ALLC: variants seen among roughly 807,000 people sequenced by gnomAD.
ALLC encodes the protein allantoicase, also known as probable inactive allantoicase.
In ALLC, 40 loss-of-function variants were observed where a neutral mutation model predicts 45.0. The ratio of observed to expected loss-of-function variants is 0.89; its 90% CI spans 0.69 to 1.16. ALLC has a LOEUF of 1.16. ALLC is among the 50% of genes most tolerant of loss of function. The pLI is 0.00. For missense variants in ALLC, 488 were observed against 493.1 expected (o/e 0.99, Z 0.10); for synonymous variants, 176 against 178.1 (o/e 0.99, Z 0.09).
intron 7 of ALLC, among the ~76,000 whole-genome samples, chr2:3,693,867 A>C (rs1243724423): frequency 6.6e-6 from 1 of 152,190 alleles, no homozygotes; most frequent in Non-Finnish European, 1.5e-5. Flanking sequence ...GGGTGCCTGT[A>C]ATCCCGGCTA....
chr2:3,661,912 T>TC (rs1456831651), intron 1 of ALLC, among the ~76,000 whole-genome samples: 3 of 152,114 alleles, frequency 2.0e-5, no homozygotes, highest in African/African-American at 7.2e-5. Context: ...TGGGCTGGGT[T>TC]CCCCCTCAGA....
chr2:3,693,912 C>T (rs550266982), intron 7 of ALLC, among the ~76,000 whole-genome samples: 53 of 152,066 alleles, frequency 3.5e-4, no homozygotes, highest in Non-Finnish European at 6.0e-4. Context: ...CGCCTGAACC[C>T]GGGAGGCGGA....
chr2:3,697,711 C>A (rs12614666), intron 10 of ALLC, among the ~76,000 whole-genome samples: 2 of 151,374 alleles, frequency 1.3e-5, no homozygotes, highest in Admixed American at 6.6e-5. Flanking sequence ...TGTCGCCCAG[C>A]CTGGAGTGCA....
chr2:3,659,191 C>A (rs191489566), intron 1 of ALLC, among the ~76,000 whole-genome samples: 21 of 152,274 alleles, frequency 1.4e-4, no homozygotes, highest in Admixed American at 1.2e-3. Flanking sequence ...GTAACTCTTC[C>A]ATCAGCACAG....
At chr2:3,646,753 A>G in the ALLC span, among the ~76,000 whole-genome samples, 1 of 151,958 alleles carries the variant, frequency 6.6e-6, no homozygotes, top group African/African-American at 2.4e-5. Flanking sequence ...CCATTAACTC[A>G]CCCCTCTATC....
chr2:3,655,149 A>C (rs1318529101), upstream of ALLC, among the ~76,000 whole-genome samples: 1 of 152,220 alleles, frequency 6.6e-6, no homozygotes, highest in Non-Finnish European at 1.5e-5. Context: ...TTGCACCATG[A>C]CAGCTGCTCC....
chr2:3,651,301 TGGGTGGGTGG>T, the ALLC span, among the ~76,000 whole-genome samples: 41 of 7,754 alleles, frequency 5.3e-3, no homozygotes, highest in Non-Finnish European at 9.6e-3. Flanking sequence ...TCTTTTTGGG[TGGGTGGGTGG>T]GTGGGGGGGG....
chr2:3,647,240 T>C, the ALLC span, among the ~76,000 whole-genome samples: 2 of 151,852 alleles, frequency 1.3e-5, no homozygotes, highest in Non-Finnish European at 2.9e-5. Flanking sequence ...AAATCCTCCT[T>C]TACTTCAGTC....
At chr2:3,651,302 G>GGT in the ALLC span, among the ~76,000 whole-genome samples, 20 of 5,018 alleles carry the variant, frequency 4.0e-3, 1 homozygote, top group African/African-American at 6.1e-3. Context: ...CTTTTTGGGT[G>GGT]GGTGGGTGGG....
At chr2:3,666,890 G>A (rs535420429) in intron 1 of ALLC, among the ~76,000 whole-genome samples, 1 of 152,330 alleles carries the variant, frequency 6.6e-6, no homozygotes, top group Non-Finnish European at 1.5e-5. Flanking sequence ...CACCTGTGCT[G>A]CTCAGCAGGG....
intron 10 of ALLC, among the ~76,000 whole-genome samples, chr2:3,698,354 T>A (rs577738569): frequency 6.6e-6 from 1 of 152,290 alleles, no homozygotes; most frequent in African/African-American, 2.4e-5. Context: ...ACTGTCCGGC[T>A]CTTTACCATA....
At chr2:3,673,748 C>T (rs1029209041) in intron 2 of ALLC, among the ~76,000 whole-genome samples, 32 of 152,054 alleles carry the variant, frequency 2.1e-4, no homozygotes, top group African/African-American at 6.3e-4. Flanking sequence ...GGTCATTGCT[C>T]GGTTTGTAAA....
At chr2:3,657,625 T>C (rs1047716026), upstream of ALLC, among the ~76,000 whole-genome samples, 5 of 152,146 alleles carry the variant, frequency 3.3e-5, no homozygotes, top group African/African-American at 1.2e-4. Flanking sequence ...CTCAGCTGTT[T>C]CTTTCTGCAT....
At chr2:3,668,313 C>T (rs1666780026) in intron 1 of ALLC, among the ~76,000 whole-genome samples, 1 of 152,010 alleles carries the variant, frequency 6.6e-6, no homozygotes. Context: ...GTTGCAGAGG[C>T]AGGACAGAAG....
chr2:3,685,428 CGA>C (rs140884147), intron 7 of ALLC, among the ~76,000 whole-genome samples: 73 of 144,908 alleles, frequency 5.0e-4, no homozygotes, highest in Middle Eastern at 3.6e-3. Flanking sequence ...GCAGCAGGAT[CGA>C]GAGAGAGAGA....
chr2:3,656,970 C>T (rs190209982), upstream of ALLC, among the ~76,000 whole-genome samples: 23 of 152,268 alleles, frequency 1.5e-4, no homozygotes, highest in South Asian at 3.3e-3. Flanking sequence ...TGATCCGAGG[C>T]GGCGAGCGGG....
intron 2 of ALLC, among the ~76,000 whole-genome samples, chr2:3,672,789 G>C (rs894645289): frequency 6.6e-6 from 1 of 151,680 alleles, no homozygotes; most frequent in Non-Finnish European, 1.5e-5. Context: ...TCCTCTGGCT[G>C]TAGTTAGACC....
chr2:3,651,321 G>T, the ALLC span, among the ~76,000 whole-genome samples: 1 of 1,726 alleles, frequency 5.8e-4, no homozygotes, highest in East Asian at 7.4e-3. Context: ...GGTGGGGGGG[G>T]TGTGTGTGTG....
upstream of ALLC, among the ~76,000 whole-genome samples, chr2:3,654,306 C>T (rs1242388781): frequency 2.0e-5 from 3 of 152,228 alleles, no homozygotes; most frequent in African/African-American, 7.2e-5. Flanking sequence ...CGGTGGACTG[C>T]GACTGTGGCT....
Sources: allele counts gnomAD v4.1 joint callset (sites outside exome capture counted in the v4.1 genomes callset), GRCh38; gene constraint gnomAD v4.1.1; transcripts MANE v1.5; gene names NCBI Gene and HGNC (gene_info 2026-07-23, HGNC 2026-07-21).